Variants in WWOX observed in about 807,000 individuals in gnomAD.
WWOX encodes the protein WW domain-containing oxidoreductase.
WWOX carries 69 observed loss-of-function variants against 46.2 expected under a neutral mutation model. That is an observed-to-expected ratio of 1.49 (90% CI 1.23 to 1.82). The LOEUF (loss-of-function observed/expected upper bound fraction) is 1.82. Among genes scored for constraint, WWOX ranks in the 40% most tolerant of loss-of-function variants. WWOX has a pLI of 0.00. For synonymous variants in WWOX, 359 were observed against 202.6 expected (o/e 1.77, Z -6.56); for missense variants, 919 against 542.6 (o/e 1.69, Z -6.89).
chr16:78,892,488 G>A (rs1365253666), intron 8 of WWOX, among the ~76,000 whole-genome samples: 2 of 152,126 alleles, frequency 1.3e-5, no homozygotes, highest in African/African-American at 4.8e-5. Context: ...GTCATGGACA[G>A]GTCACCCCCG....
intron 8 of WWOX, among the ~76,000 whole-genome samples, chr16:79,121,751 A>C (rs1281682123): frequency 6.6e-6 from 1 of 152,236 alleles, no homozygotes; most frequent in Non-Finnish European, 1.5e-5. Flanking sequence ...GATAGATTCA[A>C]TTGGGAAAAC....
At chr16:78,583,136 T>G (rs575389051) in intron 8 of WWOX, among the ~76,000 whole-genome samples, 3 of 152,162 alleles carry the variant, frequency 2.0e-5, no homozygotes, top group Non-Finnish European at 2.9e-5. Flanking sequence ...CCTTTGTCCT[T>G]GTGAGTCTCT....
At chr16:78,328,022 T>C (rs2080668929) in intron 5 of WWOX, among the ~76,000 whole-genome samples, 1 of 151,980 alleles carries the variant, frequency 6.6e-6, no homozygotes, top group African/African-American at 2.4e-5. Flanking sequence ...ATTATGGGTT[T>C]GTACCACCTT....
intron 8 of WWOX, among the ~76,000 whole-genome samples, chr16:79,122,506 C>T (rs905684713): frequency 2.7e-5 from 4 of 150,238 alleles, no homozygotes; most frequent in Non-Finnish European, 5.9e-5. Flanking sequence ...CTTTCTTTTT[C>T]CTTCCCTTCC....
At chr16:78,877,351 G>C (rs1026337333) in intron 8 of WWOX, among the ~76,000 whole-genome samples, 31 of 151,000 alleles carry the variant, frequency 2.1e-4, no homozygotes, top group African/African-American at 7.3e-4. Flanking sequence ...TTCTTCAGCT[G>C]TTCCTCAGAC....
intron 8 of WWOX, among the ~76,000 whole-genome samples, chr16:78,967,062 T>G: frequency 6.6e-6 from 1 of 152,196 alleles, no homozygotes. Flanking sequence ...ATTGTTGTCC[T>G]TTCTTTTCTC....
chr16:78,452,467 C>T (rs1261048904), intron 8 of WWOX, among the ~76,000 whole-genome samples: 1 of 145,638 alleles, frequency 6.9e-6, no homozygotes, highest in Non-Finnish European at 1.5e-5. Flanking sequence ...ACTTTTTTCT[C>T]TCTCTCTCTT....
intron 5 of WWOX, among the ~76,000 whole-genome samples, chr16:78,211,415 T>G (rs1282368406): frequency 6.6e-6 from 1 of 152,060 alleles, no homozygotes; most frequent in Non-Finnish European, 1.5e-5. Flanking sequence ...TCTTGTCAGG[T>G]TCTTGGGGAA....
chr16:78,209,564 C>T (rs536499502), intron 5 of WWOX, among the ~76,000 whole-genome samples: 1 of 152,132 alleles, frequency 6.6e-6, no homozygotes, highest in Non-Finnish European at 1.5e-5. Context: ...ATAATATGTG[C>T]ACCTTTGAGA....
chr16:78,600,482 C>T (rs928919112), intron 8 of WWOX, among the ~76,000 whole-genome samples: 1 of 152,112 alleles, frequency 6.6e-6, no homozygotes, highest in Non-Finnish European at 1.5e-5. Context: ...TTCTTTCCCC[C>T]CAACCCTCCG....
In WWOX at chr16:78,816,684, CTT is replaced by C. The variant is rs547533063; in HGVS notation, c.1056+383935_1056+383936del. Among the ~76,000 whole-genome samples, 180 of 151,930 alleles carry C rather than the reference CTT, an allele frequency of 1.2e-3. 1 individual carries two copies. Among genetic ancestry groups the C allele is most frequent in the Middle Eastern group, 6.8e-3 (2 of 294 alleles). ...AAATTGTAGTACAATGTTCAGGACACTTTTATGTCACTTTAAAATGTAGAGTA... is the reference window on the plus strand; with the variant it reads ...AAATTGTAGTACAATGTTCAGGACACTTATGTCACTTTAAAATGTAGAGTA... On this transcript the variant is annotated intron_variant, in intron 8 of 8. Coordinates refer to ENST00000566780, the MANE Select transcript of WWOX (RefSeq NM_016373.4).
intron 8 of WWOX, among the ~76,000 whole-genome samples, chr16:78,741,367 C>G (rs1310485474): frequency 6.6e-6 from 1 of 151,140 alleles, no homozygotes; most frequent in African/African-American, 2.4e-5. Context: ...TCGAGATCAG[C>G]CGGGCCAACC....
At chr16:78,358,037 C>T (rs1236661064) in intron 5 of WWOX, among the ~76,000 whole-genome samples, 1 of 152,164 alleles carries the variant, frequency 6.6e-6, no homozygotes, top group Non-Finnish European at 1.5e-5. Context: ...ACATAATGAA[C>T]CATATGCACG....
rs531587434 is a variant in WWOX at position 78,612,399 on chromosome 16, T to C, written c.1056+179647T>C. 6.6e-5 allele frequency among the ~76,000 whole-genome samples: 10 copies of C among 152,358 alleles called. No individual in the cohort carries two copies. In the East Asian group the frequency reaches 1.9e-3, roughly 29 times the overall value. The stretch of plus-strand genomic sequence containing the variant: ...ATCTCTTACGGCAGGCAGCGTGGCG[T>C]AGGCCTCAGAGTCAGGCATCTGGGG... On this transcript the variant is annotated intron_variant, in intron 8 of 8. Transcript: ENST00000566780.
chr16:78,497,042 C>G (rs866856252), intron 8 of WWOX, among the ~76,000 whole-genome samples: 1 of 152,162 alleles, frequency 6.6e-6, no homozygotes, highest in African/African-American at 2.4e-5. Flanking sequence ...AATTATTCTG[C>G]AGGGAGATTT....
chr16:78,635,343 G>C (rs1290774130), intron 8 of WWOX, among the ~76,000 whole-genome samples: 1 of 152,252 alleles, frequency 6.6e-6, no homozygotes, highest in East Asian at 1.9e-4. Context: ...GGTGGACTTG[G>C]ATCTAGGCCA....
chr16:79,123,119 A>C (rs775553972), intron 8 of WWOX, among the ~76,000 whole-genome samples: 2 of 152,186 alleles, frequency 1.3e-5, no homozygotes, highest in East Asian at 3.9e-4. Flanking sequence ...CGTGCTGTAT[A>C]AGGAAGAAGG....
intron 5 of WWOX, among the ~76,000 whole-genome samples, chr16:78,368,847 G>T (rs1405793409): frequency 6.6e-6 from 1 of 152,162 alleles, no homozygotes; most frequent in Non-Finnish European, 1.5e-5. Flanking sequence ...GCCCTGTGCC[G>T]GTGCCCAAAC....
intron 4 of WWOX, among the ~76,000 whole-genome samples, chr16:78,144,953 A>C (rs1314127208): frequency 1.3e-5 from 2 of 152,228 alleles, no homozygotes; most frequent in Non-Finnish European, 2.9e-5. Flanking sequence ...TCTTAAGAGT[A>C]CATCTTATTA....
Sources: gnomAD v4.1 joint callset for allele counts (sites outside exome capture counted in the v4.1 genomes callset) on GRCh38, gnomAD v4.1.1 for gene constraint, MANE v1.5 for transcripts, NCBI Gene and HGNC (gene_info 2026-07-23, HGNC 2026-07-21) for gene names.